The following LAMTOR3 variants were observed in gnomAD, a reference collection of about 807,000 sequenced individuals.
The protein encoded by LAMTOR3 is ragulator complex protein LAMTOR3.
A neutral mutation model predicts 20.3 loss-of-function variants in LAMTOR3; 14 were observed. The observed-to-expected ratio is 0.69, with a 90% CI of 0.46 to 1.08. LAMTOR3 has a LOEUF of 1.08. LAMTOR3 is among the 50% of genes least tolerant of loss of function. The pLI is 0.00. For synonymous variants in LAMTOR3, 40 were observed against 49.4 expected (o/e 0.81, Z 0.80); for missense variants, 125 against 143.7 (o/e 0.87, Z 0.67).
rs549845737 is a variant in LAMTOR3, at chr4:99,890,715, T to C, written c.44+1285A>G. ...TTAACAAATATCCTTTAACTGAATT[T>C]ATTTCTTGGATAAGCACAACAACCT... On this transcript the variant is annotated intron_variant, in intron 3 of 6. Transcript: ENST00000499666. Among the ~76,000 whole-genome samples the C allele has an allele frequency of 9.8e-5, 15 of 152,304 alleles. No homozygotes were observed. In the East Asian group the frequency reaches 2.1e-3, roughly 22 times the overall value.
At chr4:99,891,909 C>T in intron 3 of LAMTOR3, 91 bp downstream of exon 3, 1 of 1,496,246 alleles carries the variant, frequency 6.7e-7, no homozygotes, top group Middle Eastern at 2.2e-4. Flanking sequence ...CTCAGAGATA[C>T]TTCACAACAT....
At position 99,881,237 on chromosome 4, in the gene LAMTOR3, C is replaced by T. The variant is rs1355790641; in HGVS notation, c.*757G>A. On this transcript the variant is annotated 3_prime_UTR_variant, in exon 7 of 7. Transcript: ENST00000499666. ...TTAAAAATACTATTTTATTTTTACT[C>T]ACATATGAAAAAAATGGCTGTACTA... 1.3e-5 allele frequency: 2 copies of T among 152,024 alleles called. No homozygotes were observed. The highest frequency in any genetic ancestry group is 2.9e-5 in the Non-Finnish European group (2 of 67,998). The allele number at this position is 152,024 out of a possible 1,614,324, so 9.4% of individuals were successfully genotyped here.
chr4:99,885,679 GA>G lies in LAMTOR3; in HGVS notation c.104-5del. 1 of 1,608,818 alleles carries G rather than the reference GA, an allele frequency of 6.2e-7. No homozygotes were observed. Among genetic ancestry groups the G allele is most frequent in the Non-Finnish European group, 8.5e-7 (1 of 1,177,736 alleles). On this transcript the variant is annotated splice_polypyrimidine_tract_variant and splice_region_variant and intron_variant, in intron 4 of 6. Transcript: ENST00000499666. The stretch of plus-strand genomic sequence containing the variant: ...TCTGGAGCATTGTCATTTGCCACTA[GA>G]AAAATAAGTGATTTAAATAAAAATT...
intron 3 of LAMTOR3, among the ~76,000 whole-genome samples, chr4:99,891,207 G>C (rs564734544): frequency 2.0e-5 from 3 of 152,300 alleles, no homozygotes; most frequent in Admixed American, 6.5e-5. Flanking sequence ...CACCAGCGTA[G>C]TGGGGTATCT....
chr4:99,892,972 G>T (rs62305055), intron 2 of LAMTOR3, among the ~76,000 whole-genome samples: 1 of 151,350 alleles, frequency 6.6e-6, no homozygotes, highest in Admixed American at 6.6e-5. Flanking sequence ...GAGCCACCGC[G>T]CCCAGCCCAG....
In LAMTOR3 at chr4:99,881,068, C is replaced by G. The variant is rs1334465396; in HGVS notation, c.*926G>C. The G allele has an allele frequency of 1.3e-5, 2 of 152,148 alleles. No individual in the cohort carries two copies. Among genetic ancestry groups the G allele is most frequent in the Non-Finnish European group, 2.9e-5 (2 of 68,026 alleles). The allele number at this position is 152,148 out of a possible 1,614,324, so 9.4% of individuals were successfully genotyped here. On this transcript the variant is annotated 3_prime_UTR_variant, in exon 7 of 7. Coordinates refer to ENST00000499666, the MANE Select transcript of LAMTOR3 (RefSeq NM_021970.4). Reference sequence around the variant, plus strand: ...TTTCTTTTCCAGTTAACAGTTCATACTACCGTAAAACAATCTCCAAACCAA... The same window carrying G: ...TTTCTTTTCCAGTTAACAGTTCATAGTACCGTAAAACAATCTCCAAACCAA...
Position 99,879,609 on chromosome 4 carries a change from G to T in LAMTOR3, c.*2385C>A, listed in dbSNP as rs536566561. The stretch of plus-strand genomic sequence containing the variant: ...AATGAGTACATCTAGTATTTCAATT[G>T]TAACAATTAACTACAGTCATGTGTT... On this transcript the variant is annotated 3_prime_UTR_variant, in exon 7 of 7. Coordinates refer to ENST00000499666, the MANE Select transcript of LAMTOR3 (RefSeq NM_021970.4). 3 of 151,988 alleles carry T rather than the reference G, an allele frequency of 2.0e-5. No individual in the cohort carries two copies. The highest frequency in any genetic ancestry group is 4.4e-5 in the Non-Finnish European group (3 of 68,006). The allele number at this position is 151,988 out of a possible 1,614,324, so 9.4% of individuals were successfully genotyped here.
rs1182912731 is a variant in LAMTOR3 at position 99,892,021 on chromosome 4, A to G, written c.23T>C (p.Phe8Ser). The change falls in exon 3 of 7, where the codon TTC (phenylalanine) becomes TCC (serine). Residue 8 changes from phenylalanine (F) to serine (S), a missense_variant. Transcript: ENST00000499666. ...TTACCTTGGTAACTTTTTATACAAGAATCGCTTTAGGTCCTGAAAGAGAGC... is the reference window on the plus strand; with the variant it reads ...TTACCTTGGTAACTTTTTATACAAGGATCGCTTTAGGTCCTGAAAGAGAGC... The part of the protein sequence containing the change: MADDLKR[F>S]LYKKLPSVEG... 1 of 1,572,014 alleles carries G rather than the reference A, an allele frequency of 6.4e-7. No individual in the cohort carries two copies. Among genetic ancestry groups the G allele is most frequent in the Non-Finnish European group, 8.6e-7 (1 of 1,165,266 alleles).
intron 2 of LAMTOR3, among the ~76,000 whole-genome samples, chr4:99,893,273 C>T (rs898181949): frequency 6.6e-6 from 1 of 152,172 alleles, no homozygotes; most frequent in African/African-American, 2.4e-5. Flanking sequence ...CTCGGCCTCC[C>T]AAAGTGCTGA....
chr4:99,894,061 A>G, intron 1 of LAMTOR3, 61 bp from the exon 2 acceptor site: 2 of 1,089,424 alleles, frequency 1.8e-6, no homozygotes, highest in Non-Finnish European at 2.6e-6. Context: ...CCCACCCACA[A>G]CTTAATACGC....
rs1416232356 is a variant in LAMTOR3 at position 99,891,905 on chromosome 4, G to A, written c.44+95C>T. 2.0e-6 allele frequency: 3 copies of A among 1,487,040 alleles called. No individual in the cohort carries two copies. In the East Asian group the frequency reaches 7.8e-5, roughly 39 times the overall value. The allele number at this position is 1,487,040 out of a possible 1,614,324, so 92.1% of individuals were successfully genotyped here. A position where few individuals can be genotyped will look rare whatever the true frequency, so the allele number is the denominator to read the frequency against. On this transcript the variant is annotated intron_variant, in intron 3 of 6. Transcript: ENST00000499666. ...TATTCATATTAAAGGAAATCTCAGAGATACTTCACAACATGGAAAATACAG... is the reference window on the plus strand; with the variant it reads ...TATTCATATTAAAGGAAATCTCAGAAATACTTCACAACATGGAAAATACAG...
chr4:99,885,218 C>CA (rs1724900762), intron 5 of LAMTOR3, among the ~76,000 whole-genome samples: 1 of 151,928 alleles, frequency 6.6e-6, no homozygotes. Flanking sequence ...GTTACTACAA[C>CA]AAAAAAAGTG....
intron 3 of LAMTOR3, among the ~76,000 whole-genome samples, chr4:99,891,671 G>T (rs538028675): frequency 1.3e-5 from 2 of 152,220 alleles, no homozygotes; most frequent in South Asian, 2.1e-4. Flanking sequence ...ATACAGCAAA[G>T]AAATGAAAAG....
At position 99,882,056 on chromosome 4, in the gene LAMTOR3, T is replaced by C. The variant is rs560205572; in HGVS notation, c.313A>G (p.Ser105Gly). The change falls in exon 7 of 7, where the codon AGC (serine) becomes GGC (glycine). Residue 105 changes from serine to glycine, a missense_variant. Physicochemically the swap from Ser to Gly is moderately conservative, Grantham distance 56. This residue lies in a region of LAMTOR3 where 22 missense variants were observed against 31.2 expected (regional missense o/e 0.70). Coordinates refer to ENST00000499666, the MANE Select transcript of LAMTOR3 (RefSeq NM_021970.4). ...SSSANTGLIV[S>G]LEKELAPLFE... ...AATGGAGCAAGTTCCTTTTCTAGGC[T>C]GACAATTAGTCCTAAAATAAAGAGA... The C allele has an allele frequency of 1.7e-5, 27 of 1,578,832 alleles. No individual in the cohort carries two copies. The African/African-American group carries it at 3.4e-4, about 20-fold the overall frequency.
chr4:99,882,741 T>C (rs1346961260), intron 6 of LAMTOR3, among the ~76,000 whole-genome samples: 1 of 152,018 alleles, frequency 6.6e-6, no homozygotes, highest in African/African-American at 2.4e-5. Flanking sequence ...AATCAGAAAT[T>C]TATTTTTATA....
At position 99,885,543 on chromosome 4, in the gene LAMTOR3, T is replaced by C; in HGVS notation, c.236A>G (p.Gln79Arg). 6.2e-7 allele frequency: 1 copy of C among 1,601,438 alleles called. No homozygotes were observed. The highest frequency in any genetic ancestry group is 8.5e-7 in the Non-Finnish European group (1 of 1,175,344). The part of the protein sequence containing the change: ...KSIICYYNTY[Q>R]VVQFNRLPLV... The stretch of plus-strand genomic sequence containing the variant: ...ATCATTTTATAATTATGAACTTACC[T>C]GGTAGGTGTTATAGTAACAGATGAT... The change falls in exon 5 of 7, where the codon CAG becomes CGG. Residue 79 changes from glutamine to arginine, a missense_variant and splice_region_variant. Physicochemically the swap from Gln to Arg is conservative, Grantham distance 43 (BLOSUM62 1). Transcript: ENST00000499666.
At chr4:99,882,694 A>G (rs1724849468) in intron 6 of LAMTOR3, among the ~76,000 whole-genome samples, 1 of 152,052 alleles carries the variant, frequency 6.6e-6, no homozygotes, top group Non-Finnish European at 1.5e-5. Context: ...TTAACAGATT[A>G]TATCAAAAGA....
intron 5 of LAMTOR3, 136 bp from the exon 6 acceptor site, chr4:99,884,261 CA>C: frequency 1.6e-6 from 1 of 639,482 alleles, no homozygotes; most frequent in Non-Finnish European, 2.8e-6. Flanking sequence ...TATTATGAAA[CA>C]GAAAGGAACT....
At chr4:99,890,075 A>G (rs1483562736) in intron 3 of LAMTOR3, among the ~76,000 whole-genome samples, 2 of 152,216 alleles carry the variant, frequency 1.3e-5, no homozygotes, top group Non-Finnish European at 2.9e-5. Context: ...TAACTGGCTC[A>G]TTAAGAGATA....
Sources: gnomAD v4.1 joint callset for allele counts (sites outside exome capture counted in the v4.1 genomes callset) on GRCh38, gnomAD v4.1.1 for gene constraint, gnomAD v4.1.1 regional missense constraint, MANE v1.5 for transcripts, NCBI Gene and HGNC (gene_info 2026-07-23, HGNC 2026-07-21) for gene names.